Variants in LRRC37A2 observed in about 807,000 individuals in gnomAD.
LRRC37A2 encodes leucine rich repeat containing 37 member A2, also known as leucine-rich repeat-containing protein 37A2.
Under a neutral mutation model 68.8 loss-of-function variants are expected in LRRC37A2, and 9 were observed. The ratio of observed to expected loss-of-function variants is 0.13; its 90% confidence interval spans 0.08 to 0.23. LRRC37A2 has a LOEUF of 0.23. Ranked by LOEUF, LRRC37A2 falls within the 10% of genes least tolerant of loss-of-function variation. LRRC37A2 has a pLI of 1.00. For missense variants in LRRC37A2, 168 were observed against 950.4 expected (o/e 0.18, Z 10.82); for synonymous variants, 63 against 367.6 (o/e 0.17, Z 9.48).
At chr17:46,923,371 C>T in the LRRC37A2 span, 11 of 1,472,842 alleles carry the variant, frequency 7.5e-6, no homozygotes, top group Non-Finnish European at 9.9e-6. Flanking sequence ...GTGCTTAATC[C>T]TTGGCGGGAC....
At chr17:46,827,305 G>T in the LRRC37A2 span, among the ~76,000 whole-genome samples, 1 of 152,150 alleles carries the variant, frequency 6.6e-6, no homozygotes, top group Non-Finnish European at 1.5e-5. Context: ...GCCTGAGGGA[G>T]GTCAGCTGAA....
the LRRC37A2 span, chr17:46,932,182 C>T: frequency 1.2e-5 from 19 of 1,614,118 alleles, no homozygotes; most frequent in East Asian, 2.7e-4. Context: ...GCTTCTGTCT[C>T]GAACCTTCAC....
chr17:46,797,527 G>C, the LRRC37A2 span, among the ~76,000 whole-genome samples: 103 of 152,352 alleles, frequency 6.8e-4, no homozygotes, highest in Non-Finnish European at 4.3e-4. Flanking sequence ...TGGGCCATGG[G>C]AAAAACAATC....
chr17:46,980,666 C>CAAAAAAAAAA, the LRRC37A2 span, among the ~76,000 whole-genome samples: 49 of 83,818 alleles, frequency 5.8e-4, 2 homozygotes, highest in Middle Eastern at 6.8e-3. Context: ...ACTAAAAATA[C>CAAAAAAAAAA]AAAAAAAAAA....
chr17:46,769,993 G>A, the LRRC37A2 span: 18 of 1,605,006 alleles, frequency 1.1e-5, no homozygotes, highest in East Asian at 2.7e-4. Context: ...AGCGGGTGAC[G>A]GCGAAGGCCA....
chr17:46,923,481 C>T, the LRRC37A2 span: 4 of 1,387,330 alleles, frequency 2.9e-6, no homozygotes, highest in Non-Finnish European at 3.7e-6. Context: ...GCTGGGTAGA[C>T]TGGGTGACGG....
chr17:46,779,359 G>A, the LRRC37A2 span, among the ~76,000 whole-genome samples: 1 of 152,308 alleles, frequency 6.6e-6, no homozygotes, highest in African/African-American at 2.4e-5. Flanking sequence ...CAGCTGGTGA[G>A]GGGGAGGGCG....
the LRRC37A2 span, among the ~76,000 whole-genome samples, chr17:46,981,691 T>TA: frequency 3.3e-5 from 5 of 152,188 alleles, no homozygotes; most frequent in Non-Finnish European, 7.3e-5. Flanking sequence ...GGTAAGTTAT[T>TA]AAAATTATTA....
chr17:47,011,902 TG>T, the LRRC37A2 span, among the ~76,000 whole-genome samples: 1 of 152,218 alleles, frequency 6.6e-6, no homozygotes, highest in Non-Finnish European at 1.5e-5. Context: ...TGTCCCTCAC[TG>T]GAGATGTTAA....
At chr17:46,979,456 C>T in the LRRC37A2 span, among the ~76,000 whole-genome samples, 2 of 152,226 alleles carry the variant, frequency 1.3e-5, no homozygotes. Context: ...CCACCCCCTC[C>T]TGGCACCCGC....
At chr17:47,001,717 CTTTTT>C in the LRRC37A2 span, among the ~76,000 whole-genome samples, 8 of 108,616 alleles carry the variant, frequency 7.4e-5, no homozygotes, top group Non-Finnish European at 1.1e-4. Context: ...CTCTTTTTTC[CTTTTT>C]TTTTTTTTTT....
chr17:46,965,469 A>G, the LRRC37A2 span, among the ~76,000 whole-genome samples: 1 of 152,152 alleles, frequency 6.6e-6, no homozygotes, highest in South Asian at 2.1e-4. Context: ...ACCCTGGAGC[A>G]GTTCCCAGCT....
chr17:46,534,172 C>G (rs1358190206), intron 6 of LRRC37A2, among the ~76,000 whole-genome samples: 1 of 148,320 alleles, frequency 6.7e-6, no homozygotes, highest in Non-Finnish European at 1.5e-5. Flanking sequence ...CACCACCATG[C>G]CCAGTTTTTT....
chr17:46,726,937 C>T, the LRRC37A2 span, among the ~76,000 whole-genome samples: 3 of 152,228 alleles, frequency 2.0e-5, no homozygotes, highest in Non-Finnish European at 2.9e-5. Flanking sequence ...TTTAGGACCT[C>T]TGAGCTCAGA....
chr17:46,992,853 C>CAAAAAAAAAAAAAAAA, the LRRC37A2 span, among the ~76,000 whole-genome samples: 1 of 65,168 alleles, frequency 1.5e-5, no homozygotes, highest in Non-Finnish European at 2.6e-5. Flanking sequence ...AACTCCATCT[C>CAAAAAAAAAAAAAAAA]AAAAAAAAAA....
At chr17:46,902,461 C>CGTGTGTGTGT in the LRRC37A2 span, among the ~76,000 whole-genome samples, 1,172 of 148,098 alleles carry the variant, frequency 7.9e-3, 7 homozygotes, top group Non-Finnish European at 8.5e-3. Context: ...GGGAACAGTG[C>CGTGTGTGTGT]GTGTGTGTGT....
At chr17:46,932,136 C>T in the LRRC37A2 span, 1 of 1,614,088 alleles carries the variant, frequency 6.2e-7, no homozygotes. Context: ...AGCATCGGCG[C>T]CATGCAAGGG....
At chr17:46,977,740 C>A in the LRRC37A2 span, among the ~76,000 whole-genome samples, 2 of 152,258 alleles carry the variant, frequency 1.3e-5, no homozygotes, top group Non-Finnish European at 2.9e-5. Context: ...AGGGTAGGGA[C>A]AAAGCAAGCC....
the LRRC37A2 span, among the ~76,000 whole-genome samples, chr17:46,801,090 A>G: frequency 1.3e-5 from 2 of 152,174 alleles, no homozygotes; most frequent in Non-Finnish European, 2.9e-5. Flanking sequence ...TCATCCTCAC[A>G]ATAGCCCTCG....
Sources: allele counts gnomAD v4.1 joint callset (sites outside exome capture counted in the v4.1 genomes callset), GRCh38; gene constraint gnomAD v4.1.1; transcripts MANE v1.5; gene names NCBI Gene and HGNC (gene_info 2026-07-23, HGNC 2026-07-21).